ZNF814: variants seen among roughly 807,000 people sequenced by gnomAD.
ZNF814 encodes the protein zinc finger protein 814.
ZNF814 carries 5 observed loss-of-function variants against 7.5 expected under a neutral mutation model. That is an observed-to-expected ratio of 0.67 (90% CI 0.35 to 1.40). The LOEUF is 1.40. Among genes scored for constraint, ZNF814 ranks in the 40% most tolerant of loss-of-function variants. The pLI is 0.04. For synonymous variants in ZNF814, 315 were observed against 340.7 expected, an observed-to-expected ratio of 0.92 and a Z score of 0.83; for missense variants, 962 against 1,018.0, an observed-to-expected ratio of 0.94 and a Z score of 0.75.
chr19:57,886,175 T>C (rs919769233), intron 1 of ZNF814, among the ~76,000 whole-genome samples: 7 of 152,088 alleles, frequency 4.6e-5, no homozygotes, highest in Non-Finnish European at 8.8e-5. Context: ...TCCACTTCCT[T>C]ATCTGAGTTC....
intron 1 of ZNF814, among the ~76,000 whole-genome samples, chr19:57,882,778 T>C (rs2071658824): frequency 6.6e-6 from 1 of 150,962 alleles, no homozygotes; most frequent in Admixed American, 6.6e-5. Context: ...AAACTCTTCC[T>C]AAGAAGGACA....
At chr19:57,891,668 C>T (rs1209354138), upstream of ZNF814, among the ~76,000 whole-genome samples, 5 of 152,204 alleles carry the variant, frequency 3.3e-5, no homozygotes, top group Non-Finnish European at 7.3e-5. Context: ...TGGCTAACAA[C>T]AGGGTGAAAC....
chr19:57,876,817 CTG>C, intron 2 of ZNF814, 97 bp downstream of exon 2: 1 of 1,558,174 alleles, frequency 6.4e-7, no homozygotes, highest in African/African-American at 1.4e-5. Context: ...AAGCAGGAAG[CTG>C]TGTCCATGCT....
chr19:57,902,269 C>T, the ZNF814 span, among the ~76,000 whole-genome samples: 146 of 152,212 alleles, frequency 9.6e-4, 1 homozygote, highest in African/African-American at 3.3e-3. Flanking sequence ...CAAAATAATT[C>T]CTATGGAATC....
In ZNF814 at chr19:57,874,687, G is replaced by C. The variant is rs2071590877; in HGVS notation, c.703C>G (p.Leu235Val). ...ACATAACACTCTTCTCTAGTGAGCAGTCTCTGGTGCTGACTGAGTATATGT... is the reference window on the plus strand; with the variant it reads ...ACATAACACTCTTCTCTAGTGAGCACTCTCTGGTGCTGACTGAGTATATGT... The part of the protein sequence containing the change: ...TKHILSQHQR[L>V]LTREECYVCC... Residue 235 changes from leucine to valine, a missense_variant, in exon 3 of 3, where the codon CTG becomes GTG. By Grantham distance (32) the Leu-to-Val change is conservative (BLOSUM62 1). Around this residue, in one of 7 missense-constraint regions of ZNF814, gnomAD observed 126 missense variants for 123.5 expected, o/e 1.02. Transcript: ENST00000435989. 1 of 1,568,272 alleles carries C rather than the reference G, an allele frequency of 6.4e-7. No homozygotes were observed. Among genetic ancestry groups the C allele is most frequent in the Non-Finnish European group, 8.7e-7 (1 of 1,155,438 alleles).
At chr19:57,880,449 T>C (rs931505783) in intron 1 of ZNF814, among the ~76,000 whole-genome samples, 6 of 151,166 alleles carry the variant, frequency 4.0e-5, no homozygotes, top group Non-Finnish European at 8.8e-5. Flanking sequence ...TTCACTGAAA[T>C]GGGAATACCT....
chr19:57,899,993 G>T, the ZNF814 span, among the ~76,000 whole-genome samples: 1 of 152,086 alleles, frequency 6.6e-6, no homozygotes. Flanking sequence ...GGTTTTGTTG[G>T]CATTCTTGAT....
At chr19:57,880,477 T>C (rs1242778580) in intron 1 of ZNF814, among the ~76,000 whole-genome samples, 4 of 151,578 alleles carry the variant, frequency 2.6e-5, no homozygotes, top group Non-Finnish European at 5.9e-5. Context: ...ACCTGCGTTA[T>C]GGACTTAGGG....
intron 1 of ZNF814, among the ~76,000 whole-genome samples, chr19:57,886,305 G>A (rs2071693128): frequency 6.6e-6 from 1 of 152,076 alleles, no homozygotes; most frequent in South Asian, 2.1e-4. Flanking sequence ...GGTGACCTCA[G>A]ACTGCTTGTC....
chr19:57,887,780 C>G (rs2071705013), intron 1 of ZNF814, among the ~76,000 whole-genome samples: 1 of 152,124 alleles, frequency 6.6e-6, no homozygotes, highest in South Asian at 2.1e-4. Context: ...GTATGAAGTT[C>G]CCAGGATTTT....
chr19:57,879,447 A>G (rs2071634769), intron 1 of ZNF814, among the ~76,000 whole-genome samples: 1 of 147,550 alleles, frequency 6.8e-6, no homozygotes, highest in South Asian at 2.2e-4. Context: ...AATGCATAAC[A>G]CAGGTTATGA....
At chr19:57,901,760 G>C in the ZNF814 span, 1 of 398,614 alleles carries the variant, frequency 2.5e-6, no homozygotes, top group Non-Finnish European at 4.4e-6. Context: ...ACCTAATGGT[G>C]GCTATGATGG....
intron 1 of ZNF814, 33 bp from the exon 2 acceptor site, chr19:57,877,075 T>C (rs749148096): frequency 2.4e-5 from 39 of 1,611,492 alleles, no homozygotes; most frequent in Middle Eastern, 1.6e-4. Flanking sequence ...AACTACAAAC[T>C]GCCCCTATGC....
chr19:57,900,864 T>TTTTTTTTTTTTTTTC, the ZNF814 span, among the ~76,000 whole-genome samples: 3 of 104,778 alleles, frequency 2.9e-5, no homozygotes, highest in African/African-American at 1.1e-4. Flanking sequence ...TTTTTTTTTT[T>TTTTTTTTTTTTTTTC]TGAGACGGAG....
chr19:57,878,477 T>G (rs1600137798), intron 1 of ZNF814, among the ~76,000 whole-genome samples: 2 of 151,396 alleles, frequency 1.3e-5, no homozygotes, highest in South Asian at 2.1e-4. Context: ...TTTTTTTTTT[T>G]TGTGATGGAG....
At chr19:57,892,942 T>C (rs1269846875), upstream of ZNF814, among the ~76,000 whole-genome samples, 1 of 152,226 alleles carries the variant, frequency 6.6e-6, no homozygotes, top group African/African-American at 2.4e-5. Flanking sequence ...GTTTGAGCCT[T>C]GCCTGTTAGA....
At chr19:57,877,803 G>C (rs777111297) in intron 1 of ZNF814, among the ~76,000 whole-genome samples, 16 of 152,010 alleles carry the variant, frequency 1.1e-4, no homozygotes, top group Admixed American at 2.6e-4. Flanking sequence ...TCTACCCCTA[G>C]GGCTATAATG....
the ZNF814 span, among the ~76,000 whole-genome samples, chr19:57,903,388 T>A: frequency 6.6e-6 from 1 of 152,160 alleles, no homozygotes; most frequent in Admixed American, 6.5e-5. Flanking sequence ...AAATTAATGA[T>A]CTCCCTCAGA....
intron 1 of ZNF814, among the ~76,000 whole-genome samples, chr19:57,886,220 A>C (rs1407293309): frequency 6.6e-6 from 1 of 152,124 alleles, no homozygotes; most frequent in African/African-American, 2.4e-5. Flanking sequence ...GGAGAGGCAG[A>C]CATTACAGGA....
Sources: gnomAD v4.1 joint callset for allele counts (sites outside exome capture counted in the v4.1 genomes callset) on GRCh38, gnomAD v4.1.1 for gene constraint, gnomAD v4.1.1 regional missense constraint, MANE v1.5 for transcripts, NCBI Gene and HGNC (gene_info 2026-07-23, HGNC 2026-07-21) for gene names.